The following REDIC1 variants were observed in gnomAD, a reference collection of about 807,000 sequenced individuals.
REDIC1 encodes the protein regulator of DNA class I crossover intermediates 1.
chr12:39,709,665 C>A, the REDIC1 span, among the ~76,000 whole-genome samples: 1 of 151,696 alleles, frequency 6.6e-6, no homozygotes, highest in Non-Finnish European at 1.5e-5. Context: ...TAGTATGTAA[C>A]AAGATTTCCT....
chr12:39,871,998 T>A, the REDIC1 span: 2 of 1,479,482 alleles, frequency 1.4e-6, no homozygotes, highest in South Asian at 1.5e-5. Context: ...CTATTGATAG[T>A]TACCCAAAGA....
At chr12:39,669,674 G>A in the REDIC1 span, among the ~76,000 whole-genome samples, 1 of 152,230 alleles carries the variant, frequency 6.6e-6, no homozygotes, top group Non-Finnish European at 1.5e-5. Flanking sequence ...AGGCAGGCAG[G>A]CCTCCTTGAG....
chr12:39,735,683 G>T, the REDIC1 span, among the ~76,000 whole-genome samples: 2 of 152,200 alleles, frequency 1.3e-5, no homozygotes, highest in African/African-American at 2.4e-5. Context: ...TATTTCAAGG[G>T]TGTTATTGTA....
chr12:39,712,029 C>CATGTATATATACCTACCGGT, the REDIC1 span, among the ~76,000 whole-genome samples: 1 of 113,290 alleles, frequency 8.8e-6, no homozygotes, highest in Non-Finnish European at 1.8e-5. Context: ...TGTATATATA[C>CATGTATATATACCTACCGGT]ATGTATATAT....
At chr12:39,806,819 A>C in the REDIC1 span, among the ~76,000 whole-genome samples, 1 of 152,216 alleles carries the variant, frequency 6.6e-6, no homozygotes, top group Non-Finnish European at 1.5e-5. Flanking sequence ...TAAAATTGGA[A>C]ACAACCCATG....
the REDIC1 span, among the ~76,000 whole-genome samples, chr12:39,892,249 C>T: frequency 6.6e-6 from 1 of 152,210 alleles, no homozygotes; most frequent in African/African-American, 2.4e-5. Context: ...CATTAATCTG[C>T]CTGTCTTGCA....
At chr12:39,668,405 T>C in the REDIC1 span, among the ~76,000 whole-genome samples, 2 of 152,234 alleles carry the variant, frequency 1.3e-5, no homozygotes, top group Non-Finnish European at 2.9e-5. Context: ...CCCACTCTCT[T>C]CTGGCTTGTA....
the REDIC1 span, among the ~76,000 whole-genome samples, chr12:39,663,767 A>AT: frequency 1.3e-5 from 2 of 151,774 alleles, no homozygotes; most frequent in African/African-American, 4.8e-5. Context: ...ACTTTCATGC[A>AT]TTTTCGTTAT....
chr12:39,638,787 G>A, the REDIC1 span, among the ~76,000 whole-genome samples: 7 of 151,882 alleles, frequency 4.6e-5, no homozygotes, highest in Non-Finnish European at 8.8e-5. Flanking sequence ...GGCTGATGTC[G>A]ATATTGGTCT....
At chr12:39,673,299 CCA>C in the REDIC1 span, among the ~76,000 whole-genome samples, 3 of 152,142 alleles carry the variant, frequency 2.0e-5, no homozygotes, top group African/African-American at 7.2e-5. Flanking sequence ...AAACTATCCT[CCA>C]GTTTTTAAAT....
the REDIC1 span, among the ~76,000 whole-genome samples, chr12:39,698,785 A>G: frequency 6.6e-6 from 1 of 152,244 alleles, no homozygotes; most frequent in South Asian, 2.1e-4. Context: ...AAATTCCTTG[A>G]AACAAATGAT....
the REDIC1 span, among the ~76,000 whole-genome samples, chr12:39,818,695 T>C: frequency 6.6e-6 from 1 of 152,172 alleles, no homozygotes; most frequent in African/African-American, 2.4e-5. Flanking sequence ...GTATACTATC[T>C]TAGGTTATAC....
chr12:39,860,160 G>A, the REDIC1 span, among the ~76,000 whole-genome samples: 1 of 152,214 alleles, frequency 6.6e-6, no homozygotes, highest in African/African-American at 2.4e-5. Context: ...AGAATAGGTG[G>A]TTAGTCTGTG....
At chr12:39,776,292 G>T in the REDIC1 span, among the ~76,000 whole-genome samples, 1 of 147,490 alleles carries the variant, frequency 6.8e-6, no homozygotes, top group Admixed American at 6.8e-5. Context: ...CCGCTTAGGA[G>T]CTGTGGGGCC....
chr12:39,832,205 G>C, the REDIC1 span, among the ~76,000 whole-genome samples: 79 of 152,254 alleles, frequency 5.2e-4, 1 homozygote, highest in East Asian at 0.014. Context: ...TAAGTACACT[G>C]AGTGTCTGGC....
At chr12:39,809,411 C>A in the REDIC1 span, among the ~76,000 whole-genome samples, 3 of 152,008 alleles carry the variant, frequency 2.0e-5, no homozygotes, top group Non-Finnish European at 4.4e-5. Flanking sequence ...AATTTCAGAA[C>A]GAGCTTGTCA....
chr12:39,754,524 C>T, the REDIC1 span, among the ~76,000 whole-genome samples: 2 of 152,074 alleles, frequency 1.3e-5, no homozygotes, highest in Non-Finnish European at 2.9e-5. Context: ...AGACACACAA[C>T]TAATTATGGA....
the REDIC1 span, among the ~76,000 whole-genome samples, chr12:39,769,112 G>A: frequency 3.3e-5 from 5 of 152,132 alleles, no homozygotes; most frequent in African/African-American, 1.2e-4. Context: ...AAAAGTTCAT[G>A]CCATTTTATC....
At chr12:39,742,511 A>G in the REDIC1 span, among the ~76,000 whole-genome samples, 6 of 152,104 alleles carry the variant, frequency 3.9e-5, no homozygotes, top group Admixed American at 1.3e-4. Flanking sequence ...CCTTATCTTG[A>G]CCAGGTGTCA....
Sources: allele counts gnomAD v4.1 joint callset (sites outside exome capture counted in the v4.1 genomes callset), GRCh38; gene constraint gnomAD v4.1.1; transcripts MANE v1.5; gene names NCBI Gene and HGNC (gene_info 2026-07-23, HGNC 2026-07-21).